Variants in PATJ observed in about 807,000 individuals in gnomAD.
The protein encoded by PATJ is PATJ crumbs cell polarity complex component.
A neutral mutation model predicts 224.9 loss-of-function variants in PATJ; 190 were observed. That is an observed-to-expected ratio of 0.84 (90% CI 0.75 to 0.95). The LOEUF is 0.95. Ranked by LOEUF, PATJ falls within the 40% of genes least tolerant of loss-of-function variation. The pLI, the probability that PATJ is intolerant of heterozygous loss-of-function variation, is 0.00. For synonymous variants in PATJ, 769 were observed against 820.3 expected (o/e 0.94, Z 1.07); for missense variants, 2,121 against 2,270.3 (o/e 0.93, Z 1.34).
chr1:61,865,215 C>CT (rs568097482), intron 20 of PATJ: 11,520 of 135,060 alleles, frequency 0.085, 585 homozygotes, highest in Non-Finnish European at 0.11. Context: ...TTTCTTTTCT[C>CT]TTTTTTTTTT....
At chr1:61,905,699 C>T (rs1048281845) in intron 24 of PATJ, among the ~76,000 whole-genome samples, 2 of 152,088 alleles carry the variant, frequency 1.3e-5, no homozygotes, top group Non-Finnish European at 2.9e-5. Context: ...CTGGCTATAC[C>T]GTTTTACATT....
intron 27 of PATJ, among the ~76,000 whole-genome samples, chr1:61,940,102 G>A (rs767109119): frequency 1.9e-4 from 29 of 152,048 alleles, no homozygotes; most frequent in Non-Finnish European, 3.4e-4. Context: ...TTTACTAATA[G>A]CAATTGTAGT....
At position 61,819,959 on chromosome 1, in the gene PATJ, A is replaced by C. The variant is rs144045813; in HGVS notation, c.1684-2986A>C. ...ACTTCATGAACATAGATATTAGTAAAAGAGTGAAAAATAATTAGGAAGTGA... is the reference window on the plus strand; with the variant it reads ...ACTTCATGAACATAGATATTAGTAACAGAGTGAAAAATAATTAGGAAGTGA... On this transcript the variant is annotated intron_variant, in intron 14 of 43. Coordinates refer to ENST00000642238, the MANE Select transcript of PATJ (RefSeq NM_001350145.3). 6.4e-4 allele frequency among the ~76,000 whole-genome samples: 97 copies of C among 152,290 alleles called. 1 individual carries two copies. Among genetic ancestry groups the C allele is most frequent in the Admixed American group, 1.8e-3 (28 of 15,300 alleles).
chr1:61,775,311 G>T lies in PATJ; in HGVS notation c.826G>T (p.Val276Phe). ...AAGTGGCGTGGTTGTGAGGACTATA[G>T]TTCCTGGAGGATTAGCAGATCGAGT... ...KTSGVVVRTI[V>F]PGGLADRDGR... Residue 276 changes from valine (V) to phenylalanine (F), a missense_variant, in exon 7 of 44, where the codon GTT (valine) becomes TTT (phenylalanine). Val to Phe is a conservative substitution (Grantham distance 50). Coordinates refer to ENST00000642238, the MANE Select transcript of PATJ (RefSeq NM_001350145.3). The T allele has an allele frequency of 6.2e-7, 1 of 1,613,044 alleles. No individual in the cohort carries two copies. The highest frequency in any genetic ancestry group is 8.5e-7 in the Non-Finnish European group (1 of 1,179,606).
chr1:62,020,076 A>G (rs1377475648), intron 29 of PATJ, among the ~76,000 whole-genome samples: 4 of 152,128 alleles, frequency 2.6e-5, no homozygotes, highest in African/African-American at 9.7e-5. Context: ...AGGCTGAGGC[A>G]GGAGCATCGC....
chr1:62,117,454 T>A (rs1664564275), intron 37 of PATJ: 1 of 1,349,144 alleles, frequency 7.4e-7, no homozygotes, highest in Non-Finnish European at 9.5e-7. Flanking sequence ...AGCTCTTTTC[T>A]CTCTATTAGT....
At chr1:61,822,357 G>T (rs376021766) in intron 14 of PATJ, among the ~76,000 whole-genome samples, 70 of 149,190 alleles carry the variant, frequency 4.7e-4, no homozygotes, top group African/African-American at 1.7e-3. Context: ...GGGAGGTGAA[G>T]GTTACAGTGA....
At chr1:62,151,959 A>G (rs1668679970) in intron 42 of PATJ, among the ~76,000 whole-genome samples, 1 of 152,212 alleles carries the variant, frequency 6.6e-6, no homozygotes, top group Non-Finnish European at 1.5e-5. Flanking sequence ...CTAAGAGAGA[A>G]GACTTCCACA....
intron 13 of PATJ, 132 bp downstream of exon 13, chr1:61,805,656 C>A (rs1653384638): frequency 6.6e-6 from 4 of 603,818 alleles, no homozygotes; most frequent in South Asian, 4.4e-5. Context: ...GCCTTTCTTC[C>A]CTAGTGGATC....
intron 31 of PATJ, chr1:62,073,473 C>T (rs1416852611): frequency 3.3e-5 from 8 of 239,540 alleles, no homozygotes; most frequent in Non-Finnish European, 4.7e-5. Context: ...AAATCTCTTC[C>T]AAAAATACAA....
chr1:61,990,221 C>T lies in PATJ; in HGVS notation c.3724C>T (p.Leu1242Phe), dbSNP rs763982793. ...DLPGELHIIELEKDKNGLGLS... is the reference protein window; with the variant it reads ...DLPGELHIIEFEKDKNGLGLS... ...GCCTGGAGAACTGCACATTATTGAA[C>T]TTGAAAAAGATAAGAATGGACTTGG... Residue 1242 changes from leucine (L) to phenylalanine (F), a missense_variant, in exon 28 of 44, where the codon CTT becomes TTT. Coordinates refer to ENST00000642238, the MANE Select transcript of PATJ (RefSeq NM_001350145.3). The T allele has an allele frequency of 1.2e-6, 2 of 1,613,502 alleles. No homozygotes were observed. Among genetic ancestry groups the T allele is most frequent in the Admixed American group, 3.3e-5 (2 of 59,926 alleles).
intron 7 of PATJ, among the ~76,000 whole-genome samples, chr1:61,781,040 A>C (rs1302631396): frequency 6.6e-6 from 1 of 152,170 alleles, no homozygotes; most frequent in Non-Finnish European, 1.5e-5. Flanking sequence ...ATACTCTTAG[A>C]AGTTTTATTC....
intron 38 of PATJ, among the ~76,000 whole-genome samples, chr1:62,121,723 A>G (rs112065910): frequency 0.074 from 11,180 of 151,832 alleles, 878 homozygotes; most frequent in African/African-American, 0.2. Context: ...GCAGTGAGCC[A>G]AGATCGTGCC....
At chr1:62,154,291 C>CA (rs1668935405) in intron 43 of PATJ, among the ~76,000 whole-genome samples, 1 of 151,974 alleles carries the variant, frequency 6.6e-6, no homozygotes. Context: ...ATTGATACTA[C>CA]AGTTTTTTTT....
At chr1:62,049,077 GCTTT>G (rs913722131) in intron 30 of PATJ, among the ~76,000 whole-genome samples, 19 of 152,104 alleles carry the variant, frequency 1.2e-4, no homozygotes, top group Admixed American at 3.9e-4. Context: ...CATGCTGCTT[GCTTT>G]CTTTAATTTT....
At position 62,114,108 on chromosome 1, in the gene PATJ, G is replaced by T. The variant is rs1279660908; in HGVS notation, c.4517G>T (p.Arg1506Met). 1 of 1,614,162 alleles carries T rather than the reference G, an allele frequency of 6.2e-7. No individual in the cohort carries two copies. The highest frequency in any genetic ancestry group is 1.7e-5 in the Admixed American group (1 of 60,002). ...SSHEEAITAL[R>M]QTPQKVRLVV... ...CACGAAGAAGCCATCACAGCCCTGA[G>T]GCAGACCCCCCAGAAGGTGCGGCTG... Residue 1506 changes from arginine (R) to methionine (M), a missense_variant, in exon 35 of 44, where the codon AGG (arginine) becomes ATG (methionine). By Grantham distance (91) the Arg-to-Met change is moderately conservative. Transcript: ENST00000642238.
intron 43 of PATJ, among the ~76,000 whole-genome samples, chr1:62,155,075 G>A (rs1292908180): frequency 1.3e-5 from 2 of 152,090 alleles, no homozygotes; most frequent in African/African-American, 2.4e-5. Context: ...TAAGTTCTTG[G>A]GATAATTATT....
At chr1:61,949,135 C>A (rs1041221734) in intron 27 of PATJ, among the ~76,000 whole-genome samples, 1 of 151,246 alleles carries the variant, frequency 6.6e-6, no homozygotes, top group African/African-American at 2.4e-5. Context: ...TTAACGGGTG[C>A]AGCACAACAT....
chr1:61,830,668 G>A (rs1227996635), intron 16 of PATJ, among the ~76,000 whole-genome samples: 1 of 151,830 alleles, frequency 6.6e-6, no homozygotes, highest in Non-Finnish European at 1.5e-5. Context: ...GCATAGTATT[G>A]GTACAAAAAT....
Sources: allele counts gnomAD v4.1 joint callset (sites outside exome capture counted in the v4.1 genomes callset), GRCh38; gene constraint gnomAD v4.1.1; transcripts MANE v1.5; gene names NCBI Gene and HGNC (gene_info 2026-07-23, HGNC 2026-07-21).